The following ZFHX4 variants were observed in gnomAD, a reference collection of about 807,000 sequenced individuals.
The protein encoded by ZFHX4 is zinc finger homeobox 4.
Under a neutral mutation model 267.6 loss-of-function variants are expected in ZFHX4, and 56 were observed. That is an observed-to-expected ratio of 0.21 (90% CI 0.17 to 0.26). ZFHX4 has a LOEUF of 0.26. Among genes scored for constraint, ZFHX4 ranks in the 10% least tolerant of loss-of-function variants. ZFHX4 has a pLI of 1.00. For missense variants in ZFHX4, 4,332 were observed against 4,420.0 expected, an observed-to-expected ratio of 0.98 and a Z score of 0.56; for synonymous variants, 1,778 against 1,665.6, an observed-to-expected ratio of 1.07 and a Z score of -1.64.
rs1586029241 is a variant in ZFHX4, at chr8:76,865,821, C to T, written c.*1256C>T. On this transcript the variant is annotated 3_prime_UTR_variant, in exon 11 of 11. Coordinates refer to ENST00000651372, the MANE Select transcript of ZFHX4 (RefSeq NM_024721.5). ...ATTTAGTGGATAGGTTATTGTACTT[C>T]CATTCATACTCTGGGCACTTGTGTT... 6.6e-6 allele frequency: 1 copy of T among 152,538 alleles called. No homozygotes were observed. Among genetic ancestry groups the T allele is most frequent in the Admixed American group, 6.6e-5 (1 of 15,250 alleles). 9.4% of individuals were successfully genotyped at this position (152,538 alleles called of 1,614,324 possible). A position where few individuals can be genotyped will look rare whatever the true frequency, so the allele number is the denominator to read the frequency against.
chr8:76,843,299 A>T (rs1279119198), intron 6 of ZFHX4, among the ~76,000 whole-genome samples: 1 of 152,202 alleles, frequency 6.6e-6, no homozygotes, highest in East Asian at 1.9e-4. Context: ...GGTATTTCAA[A>T]CAAAATCCAG....
intron 3 of ZFHX4, among the ~76,000 whole-genome samples, chr8:76,719,352 A>C (rs927065922): frequency 2.0e-5 from 3 of 152,112 alleles, no homozygotes; most frequent in Admixed American, 2.0e-4. Flanking sequence ...TAGAGATAAT[A>C]AACCTTTGAT....
intron 1 of ZFHX4, among the ~76,000 whole-genome samples, chr8:76,691,181 T>C (rs1807815497): frequency 1.3e-5 from 2 of 152,092 alleles, no homozygotes; most frequent in African/African-American, 4.8e-5. Flanking sequence ...CATGATAACC[T>C]GTCTTCTCTG....
intron 9 of ZFHX4, 101 bp downstream of exon 9, chr8:76,850,463 C>T (rs1449815289): frequency 9.2e-6 from 9 of 974,222 alleles, no homozygotes; most frequent in Non-Finnish European, 1.5e-6. Flanking sequence ...TTTCGTAAAG[C>T]ATAGGGGAAA....
At chr8:76,715,714 A>C (rs751731027) in intron 3 of ZFHX4, among the ~76,000 whole-genome samples, 2 of 152,058 alleles carry the variant, frequency 1.3e-5, no homozygotes, top group Non-Finnish European at 2.9e-5. Context: ...ATTTTATTTC[A>C]CTTGGTTTTA....
Position 76,864,578 on chromosome 8 carries a change from G to T in ZFHX4, c.*13G>T. The T allele has an allele frequency of 7.0e-7, 1 of 1,428,752 alleles. No individual in the cohort carries two copies. The highest frequency in any genetic ancestry group is 9.3e-7 in the Non-Finnish European group (1 of 1,078,140). The allele number at this position is 1,428,752 out of a possible 1,614,324, so 88.5% of individuals were successfully genotyped here. On this transcript the variant is annotated 3_prime_UTR_variant, in exon 11 of 11. Transcript: ENST00000651372. ...GTTCAGTGTGTAGGAGTGAAGACAG[G>T]ATCCCGTGCTTAAAAAAATAAAAAA...
chr8:76,844,062 C>T (rs1320653405), intron 6 of ZFHX4, among the ~76,000 whole-genome samples: 1 of 152,116 alleles, frequency 6.6e-6, no homozygotes, highest in African/African-American at 2.4e-5. Context: ...AAAAAGAAGC[C>T]ATAGCTGTAT....
chr8:76,830,687 T>G (rs1032085), intron 4 of ZFHX4, among the ~76,000 whole-genome samples: 74,558 of 151,898 alleles, frequency 0.49, 19,649 homozygotes, highest in African/African-American at 0.7. Flanking sequence ...AGTCTCTAAG[T>G]GCCACATGAC....
intron 3 of ZFHX4, among the ~76,000 whole-genome samples, chr8:76,760,179 T>TG (rs147602135): frequency 0.015 from 2,251 of 152,286 alleles, 66 homozygotes; most frequent in African/African-American, 0.05. Context: ...GACCTTTTCT[T>TG]GTTTTCCTTT....
chr8:76,829,032 C>A (rs1585986779), intron 4 of ZFHX4, among the ~76,000 whole-genome samples: 1 of 152,186 alleles, frequency 6.6e-6, no homozygotes, highest in African/African-American at 2.4e-5. Flanking sequence ...CTATGCTTGG[C>A]AACTTGAACA....
chr8:76,810,152 C>T (rs1811339754), intron 4 of ZFHX4, among the ~76,000 whole-genome samples: 1 of 152,290 alleles, frequency 6.6e-6, no homozygotes, highest in African/African-American at 2.4e-5. Context: ...TCTGCAAATT[C>T]ATTCTTATTT....
At chr8:76,800,057 C>G (rs1183007222) in intron 4 of ZFHX4, among the ~76,000 whole-genome samples, 1 of 151,664 alleles carries the variant, frequency 6.6e-6, no homozygotes, top group African/African-American at 2.4e-5. Flanking sequence ...TCAGAAAGAG[C>G]GTGTGTGTGA....
chr8:76,816,651 A>C (rs996619512), intron 4 of ZFHX4, among the ~76,000 whole-genome samples: 3 of 139,478 alleles, frequency 2.2e-5, no homozygotes, highest in Non-Finnish European at 3.0e-5. Context: ...GCTGGAGTGC[A>C]GTGGCACGAA....
At chr8:76,709,821 GTGTGTGTGT>G (rs1808378219) in intron 3 of ZFHX4, among the ~76,000 whole-genome samples, 1 of 151,112 alleles carries the variant, frequency 6.6e-6, no homozygotes. Context: ...GTGTGTGTGT[GTGTGTGTGT>G]GTAAGTTTAT....
chr8:76,707,937 C>A lies in ZFHX4; in HGVS notation c.2982C>A (p.Gly994=). ...GGAGGTTGAAGTGTATTGCCATTGG[C>A]AACCCTGTTCACCTAAAATGTAACG... is the stretch of plus-strand genomic sequence containing the variant. ...NEWRLKCIAI[G]NPVHLKCNAC... The change falls in exon 3 of 11, where the codon GGC becomes GGA. Residue 994 remains glycine, a synonymous_variant. Coordinates refer to ENST00000651372, the MANE Select transcript of ZFHX4 (RefSeq NM_024721.5). 6.2e-7 allele frequency: 1 copy of A among 1,614,052 alleles called. No individual in the cohort carries two copies. Among genetic ancestry groups the A allele is most frequent in the Non-Finnish European group, 8.5e-7 (1 of 1,179,922 alleles).
rs116208709 is a variant in ZFHX4 at position 76,837,956 on chromosome 8, G to A, written c.3394+4550G>A. Among the ~76,000 whole-genome samples, 331 of 152,198 alleles carry A rather than the reference G, an allele frequency of 2.2e-3. 2 individuals carry two copies. Among genetic ancestry groups the A allele is most frequent in the African/African-American group, 7.6e-3 (315 of 41,514 alleles). On this transcript the variant is annotated intron_variant, in intron 5 of 10. Transcript: ENST00000651372. ...GATTTTTAATATTTATTTTTACTAA[G>A]CTTGTGCTCACCAATTTGTGTATGT...
chr8:76,849,599 G>A lies in ZFHX4; in HGVS notation c.3733G>A (p.Val1245Ile), dbSNP rs771370922. ...CCTATCACAGCACTCGGTGCAGCCGGTCATCTGCTGTCCTCTCTGTCAGGA... is the reference window on the plus strand; with the variant it reads ...CCTATCACAGCACTCGGTGCAGCCGATCATCTGCTGTCCTCTCTGTCAGGA... ...HVLSQHSVQPVICCPLCQDVL... is the reference protein window; with the variant it reads ...HVLSQHSVQPIICCPLCQDVL... Residue 1245 changes from valine (V) to isoleucine (I), a missense_variant, in exon 8 of 11, where the codon GTC (valine) becomes ATC (isoleucine). Physicochemically the swap from Val to Ile is conservative, Grantham distance 29. Transcript: ENST00000651372. The A allele has an allele frequency of 4.8e-5, 78 of 1,613,816 alleles. No homozygotes were observed. The highest frequency in any genetic ancestry group is 6.3e-5 in the Non-Finnish European group (74 of 1,179,866).
At chr8:76,750,656 C>T (rs1166742145) in intron 3 of ZFHX4, among the ~76,000 whole-genome samples, 3 of 152,202 alleles carry the variant, frequency 2.0e-5, no homozygotes, top group Admixed American at 6.5e-5. Flanking sequence ...CCCAGCTATA[C>T]TGTAAATTCT....
chr8:76,712,137 C>G (rs1308118623), intron 3 of ZFHX4, among the ~76,000 whole-genome samples: 2 of 152,056 alleles, frequency 1.3e-5, no homozygotes, highest in Non-Finnish European at 2.9e-5. Context: ...AAGCAGTGAA[C>G]AAATTGCCTG....
Sources: allele counts gnomAD v4.1 joint callset (sites outside exome capture counted in the v4.1 genomes callset), GRCh38; gene constraint gnomAD v4.1.1; transcripts MANE v1.5; gene names NCBI Gene and HGNC (gene_info 2026-07-23, HGNC 2026-07-21).